STAP1: variants seen among roughly 807,000 people sequenced by gnomAD.
STAP1 encodes the protein signal transducing adaptor family member 1.
STAP1 carries 30 observed loss-of-function variants against 37.8 expected under a neutral mutation model. That is an observed-to-expected ratio of 0.79 (90% CI 0.59 to 1.08). The LOEUF (loss-of-function observed/expected upper bound fraction) is 1.08. Ranked by LOEUF, STAP1 falls within the 50% of genes least tolerant of loss-of-function variation. STAP1 has a pLI of 0.00. For missense variants in STAP1, 357 were observed against 349.4 expected, an observed-to-expected ratio of 1.02 and a Z score of -0.17; for synonymous variants, 130 against 116.0, an observed-to-expected ratio of 1.12 and a Z score of -0.78.
At chr4:67,586,789 G>A (rs1276274233) in intron 6 of STAP1, among the ~76,000 whole-genome samples, 1 of 152,108 alleles carries the variant, frequency 6.6e-6, no homozygotes, top group East Asian at 1.9e-4. Context: ...TCATGCTTTT[G>A]TTAGCTGATG....
At chr4:67,559,885 A>G (rs1156434561) in intron 1 of STAP1, among the ~76,000 whole-genome samples, 1 of 152,170 alleles carries the variant, frequency 6.6e-6, no homozygotes, top group Admixed American at 6.5e-5. Context: ...ATATATAATC[A>G]GATCATTTAC....
chr4:67,596,639 G>A (rs1225838566), intron 8 of STAP1, among the ~76,000 whole-genome samples: 1 of 152,194 alleles, frequency 6.6e-6, no homozygotes, highest in African/African-American at 2.4e-5. Flanking sequence ...GGAACTTGTT[G>A]GGAACTCGAG....
rs565111758 is a variant in STAP1, at chr4:67,580,828, C to T, written c.364-477C>T. Among the ~76,000 whole-genome samples, 9 of 152,306 alleles carry T rather than the reference C, an allele frequency of 5.9e-5. No homozygotes were observed. In the South Asian group the frequency reaches 8.3e-4, roughly 14 times the overall value. On this transcript the variant is annotated intron_variant, in intron 4 of 8. Coordinates refer to ENST00000265404, the MANE Select transcript of STAP1 (RefSeq NM_012108.4). The stretch of plus-strand genomic sequence containing the variant: ...GAAACACACCACAGACGCAAAATTT[C>T]GACCTCTGACTGCTGCTCTTCAGTC...
chr4:67,581,341 C>A lies in STAP1; in HGVS notation c.400C>A (p.Gln134Lys), dbSNP rs1313796921. ...VPQNVSLLPGQVIKLHEVLER... is the reference protein window; with the variant it reads ...VPQNVSLLPGKVIKLHEVLER... ...CCAAAACGTGTCACTCCTACCTGGG[C>A]AAGTAATTAAACTGCATGAAGTCCT... Residue 134 changes from glutamine to lysine, a missense_variant, in exon 5 of 9, where the codon CAA (glutamine) becomes AAA (lysine). Gln to Lys is a moderately conservative substitution (Grantham distance 53). Coordinates refer to ENST00000265404, the MANE Select transcript of STAP1 (RefSeq NM_012108.4). The A allele has an allele frequency of 4.3e-6, 7 of 1,613,296 alleles. No individual in the cohort carries two copies. Among genetic ancestry groups the A allele is most frequent in the Non-Finnish European group, 5.9e-6 (7 of 1,179,664 alleles).
At chr4:67,598,409 G>C (rs907444115) in intron 8 of STAP1, among the ~76,000 whole-genome samples, 1 of 152,060 alleles carries the variant, frequency 6.6e-6, no homozygotes, top group South Asian at 2.1e-4. Flanking sequence ...AGTGTATGAA[G>C]GTTCCCTTTT....
chr4:67,578,581 A>C (rs1269091976), intron 4 of STAP1, among the ~76,000 whole-genome samples: 1 of 152,174 alleles, frequency 6.6e-6, no homozygotes, highest in Non-Finnish European at 1.5e-5. Flanking sequence ...TGTGGAAAAT[A>C]TCTCTGAGTG....
chr4:67,593,069 T>C (rs763162572), intron 7 of STAP1, among the ~76,000 whole-genome samples, 191 bp from the exon 8 acceptor site: 4 of 152,166 alleles, frequency 2.6e-5, no homozygotes, highest in Non-Finnish European at 4.4e-5. Flanking sequence ...TGGTAATTCC[T>C]CAACAGAGAA....
At chr4:67,590,772 C>G in intron 6 of STAP1, 112 bp from the exon 7 acceptor site, 1 of 192,290 alleles carries the variant, frequency 5.2e-6, no homozygotes, top group Non-Finnish European at 9.3e-6. Flanking sequence ...TTTTGCCAAA[C>G]TATAGTCATG....
rs1348205015 is a variant in STAP1 at position 67,606,520 on chromosome 4, T to C, written c.*163T>C. The C allele has an allele frequency of 1.6e-5, 10 of 629,272 alleles. No homozygotes were observed. In the African/African-American group the frequency reaches 1.9e-4, roughly 12 times the overall value. The allele number at this position is 629,272 out of a possible 1,614,324, so 39.0% of individuals were successfully genotyped here. On this transcript the variant is annotated 3_prime_UTR_variant, in exon 9 of 9. Coordinates refer to ENST00000265404, the MANE Select transcript of STAP1 (RefSeq NM_012108.4). ...AACATTGTACCATACAATTTCATTA[T>C]CTTATCAGAATGAAACCAATTCACA...
intron 8 of STAP1, among the ~76,000 whole-genome samples, chr4:67,605,115 T>C (rs1002514679): frequency 3.9e-5 from 6 of 152,210 alleles, no homozygotes; most frequent in African/African-American, 9.7e-5. Flanking sequence ...CCTGGTGTTC[T>C]AGCTAGAATG....
At chr4:67,577,304 A>C in intron 4 of STAP1, 45 bp downstream of exon 4, 3 of 1,544,170 alleles carry the variant, frequency 1.9e-6, no homozygotes, top group Admixed American at 1.8e-5. Flanking sequence ...TTTTTTCAAC[A>C]AATATCTGCT....
chr4:67,572,971 A>G (rs1727639310), intron 2 of STAP1, among the ~76,000 whole-genome samples: 1 of 152,232 alleles, frequency 6.6e-6, no homozygotes, highest in Admixed American at 6.5e-5. Context: ...GAAATGTCTC[A>G]GAATTGCCCA....
chr4:67,581,363 T>C lies in STAP1; in HGVS notation c.422T>C (p.Val141Ala). 6.2e-7 allele frequency: 1 copy of C among 1,613,986 alleles called. No homozygotes were observed. Among genetic ancestry groups the C allele is most frequent in the East Asian group, 2.2e-5 (1 of 44,874 alleles). ...LPGQVIKLHE[V>A]LEREKKRRIE... is the part of the protein sequence containing the mutation. ...GGGCAAGTAATTAAACTGCATGAAG[T>C]CCTAGAGAGAGAAAAGAAAAGGAGG... Residue 141 changes from valine to alanine, a missense_variant, in exon 5 of 9, where the codon GTC becomes GCC. Transcript: ENST00000265404.
At chr4:67,559,634 A>T (rs1727289316) in intron 1 of STAP1, among the ~76,000 whole-genome samples, 1 of 152,088 alleles carries the variant, frequency 6.6e-6, no homozygotes, top group Admixed American at 6.5e-5. Context: ...GTAATTATGG[A>T]TGACTTGAAA....
intron 8 of STAP1, among the ~76,000 whole-genome samples, chr4:67,597,246 T>C (rs1405514520): frequency 1.3e-5 from 2 of 152,222 alleles, no homozygotes; most frequent in Non-Finnish European, 2.9e-5. Context: ...CAAGCCTTGA[T>C]GGCTTCCATG....
intron 1 of STAP1, among the ~76,000 whole-genome samples, chr4:67,564,448 G>A (rs1040561362): frequency 5.9e-5 from 9 of 152,114 alleles, no homozygotes; most frequent in African/African-American, 1.9e-4. Flanking sequence ...TGTACATACA[G>A]AGGGAATTCA....
At chr4:67,587,631 C>T (rs1022083119) in intron 6 of STAP1, among the ~76,000 whole-genome samples, 3 of 152,174 alleles carry the variant, frequency 2.0e-5, no homozygotes, top group Admixed American at 2.0e-4. Flanking sequence ...AAATATTTAC[C>T]CAAACTTTAT....
chr4:67,592,314 C>T (rs534064952), intron 7 of STAP1, among the ~76,000 whole-genome samples: 2 of 152,186 alleles, frequency 1.3e-5, no homozygotes, highest in South Asian at 2.1e-4. Flanking sequence ...TTTTCCTCTT[C>T]AAGGTTATCT....
chr4:67,604,685 T>G (rs897370644), intron 8 of STAP1, among the ~76,000 whole-genome samples: 1 of 152,224 alleles, frequency 6.6e-6, no homozygotes, highest in African/African-American at 2.4e-5. Flanking sequence ...TAATTCCTGG[T>G]TTTTCATATA....
Sources: allele counts gnomAD v4.1 joint callset (sites outside exome capture counted in the v4.1 genomes callset), GRCh38; gene constraint gnomAD v4.1.1; transcripts MANE v1.5; gene names NCBI Gene and HGNC (gene_info 2026-07-23, HGNC 2026-07-21).